Variants in SYT2 observed in about 807,000 individuals in gnomAD.
SYT2 encodes synaptotagmin-2.
A neutral mutation model predicts 39.9 loss-of-function variants in SYT2; 15 were observed. The ratio of observed to expected loss-of-function variants is 0.38; its 90% CI spans 0.25 to 0.58. SYT2 has a LOEUF of 0.58. Among genes scored for constraint, SYT2 ranks in the 20% least tolerant of loss-of-function variants. The probability of loss-of-function intolerance (pLI) is 0.70; values close to 1 mark genes in which losing one functional copy is unlikely to be tolerated. For missense variants in SYT2, 389 were observed against 530.3 expected, an observed-to-expected ratio of 0.73 and a Z score of 2.62; for synonymous variants, 181 against 204.5, an observed-to-expected ratio of 0.89 and a Z score of 0.98.
intron 1 of SYT2, among the ~76,000 whole-genome samples, chr1:202,667,895 T>G (rs1355552230): frequency 1.3e-5 from 2 of 152,060 alleles, no homozygotes; most frequent in East Asian, 1.9e-4. Context: ...GTATTTTTAG[T>G]AGAGACAAGG....
chr1:202,673,621 G>T (rs1034588395), intron 1 of SYT2, among the ~76,000 whole-genome samples: 2 of 152,190 alleles, frequency 1.3e-5, no homozygotes, highest in Non-Finnish European at 2.9e-5. Flanking sequence ...TGAGGCCATA[G>T]TTACCTTGGG....
Position 202,601,055 on chromosome 1 carries a change from G to T in SYT2, c.802-581C>A, listed in dbSNP as rs553071254. 6.6e-6 allele frequency among the ~76,000 whole-genome samples: 1 copy of T among 152,170 alleles called. No individual in the cohort carries two copies. Among genetic ancestry groups the T allele is most frequent in the Admixed American group, 6.5e-5 (1 of 15,278 alleles). On this transcript the variant is annotated intron_variant, in intron 6 of 8. Transcript: ENST00000367268. The surrounding 1 kb of genome is among the most constrained non-coding windows in gnomAD (Gnocchi z 4.0). ...CAACTCTTTGATGTAAACAAGACAAGAATTCTTTGTAACCAATGAGAAACT... is the reference window on the plus strand; with the variant it reads ...CAACTCTTTGATGTAAACAAGACAATAATTCTTTGTAACCAATGAGAAACT...
intron 1 of SYT2, among the ~76,000 whole-genome samples, chr1:202,687,926 A>G (rs1306457547): frequency 6.6e-6 from 1 of 152,178 alleles, no homozygotes; most frequent in East Asian, 1.9e-4. Context: ...AGCAAGGGAA[A>G]AAAAATGTCT....
chr1:202,706,622 A>G (rs1654258316), intron 1 of SYT2, among the ~76,000 whole-genome samples: 1 of 152,238 alleles, frequency 6.6e-6, no homozygotes. Flanking sequence ...ATCTGGCTGT[A>G]GTCACTATAC....
At chr1:202,704,762 A>T (rs569067360) in intron 1 of SYT2, among the ~76,000 whole-genome samples, 1 of 152,152 alleles carries the variant, frequency 6.6e-6, no homozygotes, top group Non-Finnish European at 1.5e-5. Flanking sequence ...TGACATCAGC[A>T]TGCCATCACA....
intron 1 of SYT2, among the ~76,000 whole-genome samples, chr1:202,673,318 A>C (rs1274707612): frequency 2.6e-5 from 4 of 152,220 alleles, no homozygotes; most frequent in African/African-American, 9.7e-5. Flanking sequence ...ATGTAAGTTA[A>C]AAGGTACGTG....
At chr1:202,691,825 G>A (rs66670605) in intron 1 of SYT2, among the ~76,000 whole-genome samples, 38,832 of 136,556 alleles carry the variant, frequency 0.28, 6,614 homozygotes, top group South Asian at 0.41. Context: ...GAATAGAGGA[G>A]AGTTCCCTCC....
At chr1:202,633,033 A>G (rs1331191713) in intron 1 of SYT2, 3 of 152,246 alleles carry the variant, frequency 2.0e-5, no homozygotes, top group Admixed American at 2.0e-4. Context: ...GGGCCAAGGA[A>G]AAGTTTACAG....
At chr1:202,625,576 C>T (rs1309575713) in intron 1 of SYT2, among the ~76,000 whole-genome samples, 2 of 151,906 alleles carry the variant, frequency 1.3e-5, no homozygotes, top group South Asian at 2.1e-4. Context: ...TTCTTCCCTG[C>T]GGCCCGTTGA....
chr1:202,670,127 CA>C (rs1388035627), intron 1 of SYT2, among the ~76,000 whole-genome samples: 1 of 152,160 alleles, frequency 6.6e-6, no homozygotes. Context: ...TGCTATCAGC[CA>C]GGGGTCCTAA....
In SYT2 at chr1:202,604,895, G is replaced by C. The variant is rs143345301; in HGVS notation, c.179-274C>G. On this transcript the variant is annotated intron_variant, in intron 2 of 8. Transcript: ENST00000367268. Reference sequence around the variant, plus strand: ...GCTAGCTGAGAGGTAGCAACCAGGTGGATGCATGGAAGAATATCAGTTTAG... The same window carrying C: ...GCTAGCTGAGAGGTAGCAACCAGGTCGATGCATGGAAGAATATCAGTTTAG... Among the ~76,000 whole-genome samples the C allele has an allele frequency of 0.023, 3,233 of 140,700 alleles. 39 individuals are homozygous for C. The highest frequency in any genetic ancestry group is 0.032 in the Non-Finnish European group (2,107 of 66,256). 92.3% of individuals were successfully genotyped at this position (140,700 alleles called of 152,430 possible).
intron 1 of SYT2, among the ~76,000 whole-genome samples, chr1:202,697,406 C>A (rs1468597397): frequency 6.6e-6 from 1 of 152,258 alleles, no homozygotes; most frequent in African/African-American, 2.4e-5. Flanking sequence ...TGCCCATGGG[C>A]AACCTGCCAA....
intron 1 of SYT2, among the ~76,000 whole-genome samples, chr1:202,699,573 GGGT>G (rs1654060999): frequency 1.3e-5 from 2 of 152,140 alleles, no homozygotes; most frequent in Admixed American, 1.3e-4. Context: ...CTGTAAATAG[GGGT>G]AATAGATCAT....
chr1:202,601,608 T>A lies in SYT2; in HGVS notation c.801+282A>T, dbSNP rs1690505233. ...AGAAGCTTAGGAGTAACAATAATAATGGTGTTTTTATTTATTTGAGTACCT... is the reference window on the plus strand; with the variant it reads ...AGAAGCTTAGGAGTAACAATAATAAAGGTGTTTTTATTTATTTGAGTACCT... On this transcript the variant is annotated intron_variant, in intron 6 of 8. Coordinates refer to ENST00000367268, the MANE Select transcript of SYT2 (RefSeq NM_177402.5). The surrounding 1 kb of genome is among the most constrained non-coding windows in gnomAD (Gnocchi z 4.0). Among the ~76,000 whole-genome samples the A allele has an allele frequency of 6.6e-6, 1 of 152,218 alleles. No individual in the cohort carries two copies. Among genetic ancestry groups the A allele is most frequent in the Non-Finnish European group, 1.5e-5 (1 of 68,034 alleles).
At chr1:202,643,660 G>C (rs1691999034) in intron 1 of SYT2, among the ~76,000 whole-genome samples, 1 of 152,254 alleles carries the variant, frequency 6.6e-6, no homozygotes, top group Admixed American at 6.5e-5. Flanking sequence ...CCCTTCTCCA[G>C]TCCGGACTGC....
At chr1:202,646,040 C>T (rs1020927302) in intron 1 of SYT2, among the ~76,000 whole-genome samples, 1 of 152,222 alleles carries the variant, frequency 6.6e-6, no homozygotes, top group Non-Finnish European at 1.5e-5. Context: ...ATGACTCACC[C>T]AAGGTCCTGA....
intron 6 of SYT2, 128 bp from the exon 7 acceptor site, chr1:202,600,602 T>C (rs530739760): frequency 8.8e-5 from 67 of 763,716 alleles, no homozygotes; most frequent in Non-Finnish European, 1.3e-4. Flanking sequence ...CCAGTCCCCA[T>C]ATATGTGATG....
intron 1 of SYT2, among the ~76,000 whole-genome samples, chr1:202,622,162 C>T (rs1691217666): frequency 6.6e-6 from 1 of 152,218 alleles, no homozygotes; most frequent in Admixed American, 6.5e-5. Context: ...ACACCTGTCA[C>T]CGAAGCTCAC....
chr1:202,699,972 T>C (rs1654071348), intron 1 of SYT2, among the ~76,000 whole-genome samples: 1 of 152,138 alleles, frequency 6.6e-6, no homozygotes, highest in Non-Finnish European at 1.5e-5. Context: ...TTGGGAAGCC[T>C]CAAACCCCTT....
Sources: gnomAD v4.1 joint callset for allele counts (sites outside exome capture counted in the v4.1 genomes callset) on GRCh38, gnomAD v4.1.1 for gene constraint, Gnocchi (gnomAD v3.1) non-coding constraint, MANE v1.5 for transcripts, NCBI Gene and HGNC (gene_info 2026-07-23, HGNC 2026-07-21) for gene names.